Variants in CRISPLD2 observed in about 807,000 individuals in gnomAD.
CRISPLD2 encodes the protein cysteine rich secretory protein LCCL domain containing 2, also known as cysteine-rich secretory protein LCCL domain-containing 2.
CRISPLD2 carries 47 observed loss-of-function variants against 71.1 expected under a neutral mutation model. The ratio of observed to expected loss-of-function variants is 0.66; its 90% CI spans 0.52 to 0.84. CRISPLD2 has a LOEUF of 0.84. CRISPLD2 is among the 40% of genes least tolerant of loss of function. The pLI is 0.00. For synonymous variants in CRISPLD2, 317 were observed against 250.1 expected, an observed-to-expected ratio of 1.27 and a Z score of -2.52; for missense variants, 830 against 651.1, an observed-to-expected ratio of 1.27 and a Z score of -2.99.
chr16:84,892,529 G>A (rs192548358), intron 14 of CRISPLD2, among the ~76,000 whole-genome samples: 4 of 152,254 alleles, frequency 2.6e-5, no homozygotes, highest in East Asian at 3.9e-4. Flanking sequence ...GATTCTCAGC[G>A]CTGAGTTGTC....
chr16:84,893,726 G>C (rs1400148729), intron 14 of CRISPLD2, among the ~76,000 whole-genome samples: 1 of 152,202 alleles, frequency 6.6e-6, no homozygotes, highest in Non-Finnish European at 1.5e-5. Flanking sequence ...AGAGAACCCT[G>C]CAGAGACACC....
At chr16:84,872,026 A>T (rs2071475267) in intron 8 of CRISPLD2, among the ~76,000 whole-genome samples, 2 of 152,228 alleles carry the variant, frequency 1.3e-5, no homozygotes, top group East Asian at 3.8e-4. Flanking sequence ...ATAATAATAA[A>T]AAACTGATAC....
intron 8 of CRISPLD2, among the ~76,000 whole-genome samples, chr16:84,869,847 C>A (rs2071450437): frequency 6.6e-6 from 1 of 152,252 alleles, no homozygotes; most frequent in Non-Finnish European, 1.5e-5. Flanking sequence ...GATAGCATCA[C>A]CCCTGAGTAG....
At chr16:84,846,696 G>T (rs1360286882) in intron 3 of CRISPLD2, among the ~76,000 whole-genome samples, 1 of 152,156 alleles carries the variant, frequency 6.6e-6, no homozygotes, top group Non-Finnish European at 1.5e-5. Context: ...ACCCTGTTGG[G>T]AAGATGCCCA....
At chr16:84,844,398 C>T (rs1051256234) in intron 2 of CRISPLD2, among the ~76,000 whole-genome samples, 4 of 152,192 alleles carry the variant, frequency 2.6e-5, no homozygotes, top group African/African-American at 7.2e-5. Flanking sequence ...TTTAAGTGTG[C>T]AGTTCTGTGG....
At chr16:84,841,847 A>C (rs1414720364) in intron 2 of CRISPLD2, among the ~76,000 whole-genome samples, 1 of 152,154 alleles carries the variant, frequency 6.6e-6, no homozygotes, top group Non-Finnish European at 1.5e-5. Context: ...CACCCACTTC[A>C]GCCTCCCAAA....
intron 11 of CRISPLD2, 82 bp from the exon 12 acceptor site, chr16:84,877,356 C>T (rs757650173): frequency 4.1e-5 from 52 of 1,269,996 alleles, no homozygotes; most frequent in Admixed American, 3.0e-4. Context: ...CCCTGGTAGT[C>T]TAGTGGCCCA....
chr16:84,873,897 T>TC, intron 10 of CRISPLD2, 23 bp from the exon 11 acceptor site: 2 of 1,287,910 alleles, frequency 1.6e-6, no homozygotes, highest in Non-Finnish European at 2.1e-6. Context: ...ATGCCCGTTT[T>TC]TTTTTTTTTT....
chr16:84,886,462 A>G (rs2071614270), intron 13 of CRISPLD2, among the ~76,000 whole-genome samples: 1 of 152,068 alleles, frequency 6.6e-6, no homozygotes, highest in South Asian at 2.1e-4. Flanking sequence ...GGGGGCACTG[A>G]TTACTTCTGC....
At chr16:84,849,296 C>G (rs1917008929) in intron 3 of CRISPLD2, 89 bp from the exon 4 acceptor site, 1 of 1,340,608 alleles carries the variant, frequency 7.5e-7, no homozygotes, top group Non-Finnish European at 1.0e-6. Context: ...CCTCGGCCTC[C>G]CTCCCTCCTA....
At chr16:84,903,526 C>T (rs1811642) in intron 14 of CRISPLD2, among the ~76,000 whole-genome samples, 2 of 150,572 alleles carry the variant, frequency 1.3e-5, no homozygotes, top group Middle Eastern at 3.2e-3. Context: ...TGGGAGGCGG[C>T]GGTTGCAATG....
intron 14 of CRISPLD2, among the ~76,000 whole-genome samples, chr16:84,902,232 C>G (rs908060042): frequency 6.6e-6 from 1 of 152,060 alleles, no homozygotes; most frequent in Non-Finnish European, 1.5e-5. Flanking sequence ...GGCAATATCC[C>G]AAGTACAGAA....
At chr16:84,878,436 G>T (rs568752430) in intron 12 of CRISPLD2, among the ~76,000 whole-genome samples, 196 of 142,296 alleles carry the variant, frequency 1.4e-3, no homozygotes, top group African/African-American at 5.9e-3. Flanking sequence ...CGCCGTGGCA[G>T]GGTGTGGTCT....
rs2071833637 is a variant in CRISPLD2, at chr16:84,909,487, T to C, written c.*2845T>C. On this transcript the variant is annotated 3_prime_UTR_variant, in exon 15 of 15. Coordinates refer to ENST00000262424, the MANE Select transcript of CRISPLD2 (RefSeq NM_031476.4). ...TTTATGAACAAATCTGAACAATTTG[T>C]GAAATAAAACATTGAAAACCATCTT... 1 of 152,686 alleles carries C rather than the reference T, an allele frequency of 6.5e-6. No individual in the cohort carries two copies. Among genetic ancestry groups the C allele is most frequent in the Non-Finnish European group, 1.5e-5 (1 of 68,046 alleles). 9.5% of individuals were successfully genotyped at this position (152,686 alleles called of 1,614,324 possible). A position where few individuals can be genotyped will look rare whatever the true frequency, so the allele number is the denominator to read the frequency against.
At chr16:84,884,823 A>G (rs1175037762) in intron 13 of CRISPLD2, among the ~76,000 whole-genome samples, 2 of 152,184 alleles carry the variant, frequency 1.3e-5, no homozygotes, top group African/African-American at 4.8e-5. Context: ...GGACTGAGTC[A>G]AAGCACCGCC....
chr16:84,861,191 A>G (rs1456339654), intron 6 of CRISPLD2, among the ~76,000 whole-genome samples: 1 of 152,202 alleles, frequency 6.6e-6, no homozygotes. Flanking sequence ...GGATCTAATC[A>G]TATTAAGCAG....
In CRISPLD2 at chr16:84,850,676, T is replaced by G. The variant is rs1448659159; in HGVS notation, c.601T>G (p.Ser201Ala). 1 of 1,613,018 alleles carries G rather than the reference T, an allele frequency of 6.2e-7. No individual in the cohort carries two copies. Among genetic ancestry groups the G allele is most frequent in the Non-Finnish European group, 8.5e-7 (1 of 1,179,116 alleles). The change falls in exon 5 of 15, where the codon TCT becomes GCT. Residue 201 changes from serine (S) to alanine (A), a missense_variant. Transcript: ENST00000262424. ...CGCGGTCTACTTTGTCTGCAATTAT[T>G]CTCCAAAGTAAGACAAGTTGATGCC... ...ENAVYFVCNY[S>A]PKGNWIGEAP... is the part of the protein sequence containing the mutation.
At chr16:84,899,395 G>T (rs898287081) in intron 14 of CRISPLD2, among the ~76,000 whole-genome samples, 1 of 152,110 alleles carries the variant, frequency 6.6e-6, no homozygotes, top group African/African-American at 2.4e-5. Context: ...GGGCGGGAAG[G>T]GTATTTTATA....
At chr16:84,896,489 T>C (rs2071707840) in intron 14 of CRISPLD2, among the ~76,000 whole-genome samples, 1 of 152,206 alleles carries the variant, frequency 6.6e-6, no homozygotes, top group African/African-American at 2.4e-5. Context: ...GTGAGAGCCA[T>C]ATGTATTCAG....
Sources: gnomAD v4.1 joint callset for allele counts (sites outside exome capture counted in the v4.1 genomes callset) on GRCh38, gnomAD v4.1.1 for gene constraint, MANE v1.5 for transcripts, NCBI Gene and HGNC (gene_info 2026-07-23, HGNC 2026-07-21) for gene names.